The following GNB4 variants were observed in gnomAD, a reference collection of about 807,000 sequenced individuals.
GNB4 encodes the protein guanine nucleotide-binding protein subunit beta-4.
GNB4 carries 28 observed loss-of-function variants against 45.2 expected under a neutral mutation model. The observed-to-expected ratio is 0.62, with a 90% confidence interval of 0.46 to 0.85. The LOEUF (loss-of-function observed/expected upper bound fraction) is 0.85, where lower values mean the gene tolerates loss of function less well. Among genes scored for constraint, GNB4 ranks in the 40% least tolerant of loss-of-function variants. The probability of loss-of-function intolerance (pLI) is 0.00; values close to 1 mark genes in which losing one functional copy is unlikely to be tolerated. For missense variants in GNB4, 321 were observed against 425.4 expected (o/e 0.75, Z 2.16); for synonymous variants, 132 against 143.7 (o/e 0.92, Z 0.58).
At chr3:179,468,510 ACAAAAAAC>A in the GNB4 span, among the ~76,000 whole-genome samples, 1 of 146,626 alleles carries the variant, frequency 6.8e-6, no homozygotes, top group Non-Finnish European at 1.5e-5. Flanking sequence ...AAAAAAAAAA[ACAAAAAAC>A]AAAAAACAAA....
At chr3:179,439,352 G>C (rs1715540182) in intron 1 of GNB4, among the ~76,000 whole-genome samples, 1 of 152,108 alleles carries the variant, frequency 6.6e-6, no homozygotes, top group Non-Finnish European at 1.5e-5. Context: ...AGACATCTGT[G>C]AAAGGAAAAT....
At chr3:179,422,780 T>G (rs1413360615) in intron 2 of GNB4, among the ~76,000 whole-genome samples, 1 of 152,166 alleles carries the variant, frequency 6.6e-6, no homozygotes, top group African/African-American at 2.4e-5. Flanking sequence ...TATTTCCAGA[T>G]GGGAGGAGGA....
chr3:179,433,425 G>A (rs373808366), intron 1 of GNB4, among the ~76,000 whole-genome samples: 1 of 152,044 alleles, frequency 6.6e-6, no homozygotes, highest in African/African-American at 2.4e-5. Context: ...CTGGGGAGAT[G>A]AGAAAAGATC....
chr3:179,454,053 A>G (rs1280138868), upstream of GNB4, among the ~76,000 whole-genome samples: 6 of 152,222 alleles, frequency 3.9e-5, no homozygotes. Flanking sequence ...AGGCAGAGAG[A>G]AAGGTGAAGG....
At chr3:179,507,389 TAGGA>T in the GNB4 span, among the ~76,000 whole-genome samples, 5,504 of 148,468 alleles carry the variant, frequency 0.037, 126 homozygotes, top group Middle Eastern at 0.16. Context: ...GACAGGAAGG[TAGGA>T]AGGAAGGAAG....
chr3:179,464,063 A>G, the GNB4 span, among the ~76,000 whole-genome samples: 9 of 152,202 alleles, frequency 5.9e-5, no homozygotes, highest in Admixed American at 5.9e-4. Flanking sequence ...TTTCACATAT[A>G]TATGTATATC....
At chr3:179,525,474 TGGTGAGCAGCCCTGGGCTGCAGTGTG>T in the GNB4 span, among the ~76,000 whole-genome samples, 7 of 149,254 alleles carry the variant, frequency 4.7e-5, no homozygotes, top group African/African-American at 7.4e-5. Context: ...GAGAAGGGGG[TGGTGAGCAGCCCTGGGCTGCAGTGTG>T]GGTGAGCAGC....
At chr3:179,493,116 G>A in the GNB4 span, among the ~76,000 whole-genome samples, 1 of 152,156 alleles carries the variant, frequency 6.6e-6, no homozygotes, top group Non-Finnish European at 1.5e-5. Context: ...TAGAAGAAGT[G>A]ATGGCTCCCT....
chr3:179,421,415 A>T (rs531995846), intron 2 of GNB4, among the ~76,000 whole-genome samples: 1 of 152,250 alleles, frequency 6.6e-6, no homozygotes, highest in Non-Finnish European at 1.5e-5. Flanking sequence ...TAATAAAAAA[A>T]GTTTTACACC....
chr3:179,419,390 G>C lies in GNB4; in HGVS notation c.203+9C>G. On this transcript the variant is annotated intron_variant, in intron 4 of 9. Transcript: ENST00000232564. ...AGTTTAAAAATGACAGGTAATGACA[G>C]GTACAAACCTGGAATCGTATCCCCA... The C allele has an allele frequency of 1.4e-6, 2 of 1,473,626 alleles. No homozygotes were observed. Among genetic ancestry groups the C allele is most frequent in the Non-Finnish European group, 1.9e-6 (2 of 1,052,560 alleles). 91.3% of individuals were successfully genotyped at this position (1,473,626 alleles called of 1,614,324 possible). A position where few individuals can be genotyped will look rare whatever the true frequency, so the allele number is the denominator to read the frequency against.
At chr3:179,436,787 G>T (rs1447281596) in intron 1 of GNB4, among the ~76,000 whole-genome samples, 1 of 152,056 alleles carries the variant, frequency 6.6e-6, no homozygotes, top group Non-Finnish European at 1.5e-5. Context: ...TTAACTTTTG[G>T]TTTTTTATCT....
chr3:179,444,753 A>C (rs1453157198), intron 1 of GNB4, among the ~76,000 whole-genome samples: 2 of 152,172 alleles, frequency 1.3e-5, no homozygotes, highest in East Asian at 3.8e-4. Flanking sequence ...TAATTTGCAG[A>C]ATTCTAGAAT....
the GNB4 span, among the ~76,000 whole-genome samples, chr3:179,523,926 G>A: frequency 5.1e-3 from 783 of 152,168 alleles, 9 homozygotes; most frequent in African/African-American, 0.018. Context: ...TGGGCAGGTG[G>A]GGATAACTAA....
chr3:179,504,387 T>C, the GNB4 span, among the ~76,000 whole-genome samples: 1 of 152,204 alleles, frequency 6.6e-6, no homozygotes, highest in South Asian at 2.1e-4. Context: ...GACATGCTGA[T>C]CCAGTGTTTA....
intron 9 of GNB4, among the ~76,000 whole-genome samples, chr3:179,404,258 TC>T (rs2108578635): frequency 6.6e-6 from 1 of 152,298 alleles, no homozygotes; most frequent in East Asian, 1.9e-4. Flanking sequence ...CTAAACAAAA[TC>T]TATCATATGG....
chr3:179,508,930 G>GTATATATA, the GNB4 span, among the ~76,000 whole-genome samples: 54 of 47,018 alleles, frequency 1.1e-3, no homozygotes, highest in South Asian at 1.7e-3. Flanking sequence ...CTTTCAGCAT[G>GTATATATA]TGTATATATA....
At chr3:179,464,864 C>T in the GNB4 span, 1 of 1,377,894 alleles carries the variant, frequency 7.3e-7, no homozygotes, top group Non-Finnish European at 1.0e-6. Context: ...TTCCATGTTA[C>T]CGGCTACCCC....
chr3:179,467,137 C>T, the GNB4 span, among the ~76,000 whole-genome samples: 3 of 152,186 alleles, frequency 2.0e-5, no homozygotes, highest in Admixed American at 6.5e-5. Flanking sequence ...CCTCAGCCTC[C>T]GAAATGGCTT....
chr3:179,437,014 G>A (rs1715470109), intron 1 of GNB4, among the ~76,000 whole-genome samples: 1 of 152,136 alleles, frequency 6.6e-6, no homozygotes, highest in African/African-American at 2.4e-5. Context: ...GCCAGGAACT[G>A]GGGTTACATA....
Sources: allele counts gnomAD v4.1 joint callset (sites outside exome capture counted in the v4.1 genomes callset), GRCh38; gene constraint gnomAD v4.1.1; transcripts MANE v1.5; gene names NCBI Gene and HGNC (gene_info 2026-07-23, HGNC 2026-07-21).